Variants in PLEKHG4B observed in about 807,000 individuals in gnomAD.
The protein encoded by PLEKHG4B is pleckstrin homology domain-containing family G member 4B.
A neutral mutation model predicts 121.3 loss-of-function variants in PLEKHG4B; 111 were observed. The ratio of observed to expected loss-of-function variants is 0.92; its 90% CI spans 0.78 to 1.07. PLEKHG4B has a LOEUF of 1.07. PLEKHG4B is among the 50% of genes least tolerant of loss of function. The pLI is 0.00. For synonymous variants in PLEKHG4B, 738 were observed against 725.0 expected, an observed-to-expected ratio of 1.02 and a Z score of -0.29; for missense variants, 1,831 against 1,757.8, an observed-to-expected ratio of 1.04 and a Z score of -0.74.
intron 18 of PLEKHG4B, among the ~76,000 whole-genome samples, chr5:180,916 C>T (rs1736911723): frequency 2.0e-5 from 3 of 152,242 alleles, no homozygotes; most frequent in African/African-American, 7.2e-5. Context: ...CGCACTTCTT[C>T]CCGTTCTCCC....
chr5:155,320 TCTC>T (rs1735738934), intron 8 of PLEKHG4B, 22 bp from the exon 9 acceptor site: 2 of 1,583,572 alleles, frequency 1.3e-6, no homozygotes, highest in Non-Finnish European at 1.7e-6. Flanking sequence ...GTTCTTATAA[TCTC>T]CTCCCTCTCA....
chr5:156,799 T>C lies in PLEKHG4B; in HGVS notation c.2375T>C (p.Leu792Pro). Reference sequence around the variant, plus strand: ...GACACCCTGGAGGCCGCCACAAGCCTGTACGACCGAGTGGATGAGGAGGTG... The same window carrying C: ...GACACCCTGGAGGCCGCCACAAGCCCGTACGACCGAGTGGATGAGGAGGTG... Reference protein sequence around the residue: ...SRDTLEAATSLYDRVDEEVHR... With the variant: ...SRDTLEAATSPYDRVDEEVHR... The change falls in exon 11 of 20, where the codon CTG becomes CCG. Residue 792 changes from leucine to proline, a missense_variant. By Grantham distance (98) the Leu-to-Pro change is moderately conservative. Coordinates refer to ENST00000637938, the MANE Select transcript of PLEKHG4B (RefSeq NM_052909.5). This position sits in a 1 kb window ranked among gnomAD's most constrained non-coding sequence, Gnocchi z 4.4. The C allele has an allele frequency of 6.4e-7, 1 of 1,570,800 alleles. No homozygotes were observed. The highest frequency in any genetic ancestry group is 8.6e-7 in the Non-Finnish European group (1 of 1,158,074).
chr5:98,837 CTTTTTTTTT>C (rs925964165), intron 1 of PLEKHG4B, among the ~76,000 whole-genome samples: 7 of 79,238 alleles, frequency 8.8e-5, no homozygotes, highest in Admixed American at 1.4e-4. Context: ...TTGAATTTTC[CTTTTTTTTT>C]TTTTTTTTTT....
At chr5:130,850 G>A (rs1272645200) in intron 2 of PLEKHG4B, among the ~76,000 whole-genome samples, 2 of 152,296 alleles carry the variant, frequency 1.3e-5, no homozygotes, top group East Asian at 3.9e-4. Context: ...TATAGCATCT[G>A]GTCTAATTTG....
chr5:163,585 C>T, intron 13 of PLEKHG4B, 37 bp downstream of exon 13: 1 of 1,466,974 alleles, frequency 6.8e-7, no homozygotes, highest in Non-Finnish European at 9.0e-7. Context: ...TCCTAGCAGT[C>T]CTTGGGGATC....
chr5:134,183 A>G (rs1243529867), intron 2 of PLEKHG4B, among the ~76,000 whole-genome samples: 1 of 146,382 alleles, frequency 6.8e-6, no homozygotes, highest in Non-Finnish European at 1.5e-5. Flanking sequence ...AGCAACCTGG[A>G]TGGAAGTAGA....
intron 18 of PLEKHG4B, 144 bp from the exon 19 acceptor site, chr5:181,370 C>T: frequency 1.2e-6 from 1 of 805,166 alleles, no homozygotes; most frequent in Non-Finnish European, 1.9e-6. Flanking sequence ...GCACCCTGGC[C>T]CCCCATGCCC....
chr5:116,800 G>A (rs527547598), intron 2 of PLEKHG4B, among the ~76,000 whole-genome samples: 11 of 152,328 alleles, frequency 7.2e-5, no homozygotes, highest in Admixed American at 1.3e-4. Context: ...TGGTTAGAAT[G>A]ACAGGGCTAG....
chr5:107,335 C>G (rs1734006091), intron 1 of PLEKHG4B, among the ~76,000 whole-genome samples: 1 of 152,224 alleles, frequency 6.6e-6, no homozygotes, highest in South Asian at 2.1e-4. Flanking sequence ...CTCCTCTGCT[C>G]TGGGCCCCAT....
At chr5:152,102 G>A (rs965139610) in intron 7 of PLEKHG4B, among the ~76,000 whole-genome samples, 3 of 151,896 alleles carry the variant, frequency 2.0e-5, no homozygotes, top group East Asian at 1.9e-4. Context: ...ATCGCAATGC[G>A]AGCGGGCTTG....
intron 13 of PLEKHG4B, among the ~76,000 whole-genome samples, chr5:165,159 T>C (rs1259902275): frequency 1.2e-5 from 1 of 80,422 alleles, no homozygotes; most frequent in Admixed American, 1.2e-4. Flanking sequence ...CTCACACTAA[T>C]GCTCTGACGG....
intron 1 of PLEKHG4B, among the ~76,000 whole-genome samples, chr5:104,266 A>G (rs905391057): frequency 6.6e-6 from 1 of 150,728 alleles, no homozygotes; most frequent in Non-Finnish European, 1.5e-5. Context: ...AAACAACCTC[A>G]GCCCAGTCCC....
chr5:135,332 A>C (rs972646547), intron 2 of PLEKHG4B, among the ~76,000 whole-genome samples: 19 of 152,094 alleles, frequency 1.2e-4, no homozygotes, highest in African/African-American at 4.1e-4. Flanking sequence ...AGATGTAAAT[A>C]ATTGTAAACA....
intron 18 of PLEKHG4B, among the ~76,000 whole-genome samples, chr5:180,152 T>C (rs1203468825): frequency 1.3e-5 from 2 of 152,134 alleles, no homozygotes; most frequent in Admixed American, 6.5e-5. Flanking sequence ...GTAGGAAATG[T>C]GTAAGGATCA....
At position 143,158 on chromosome 5, in the gene PLEKHG4B, G is replaced by A; in HGVS notation, c.1589G>A (p.Gly530Glu). The stretch of plus-strand genomic sequence containing the variant: ...CGGCAGCCACACCCCGAGCAAGAAG[G>A]GTGGCCACCCGGCACAGGAGACTTC... Reference protein sequence around the residue: ...PARQPHPEQEGWPPGTGDFPS... With the variant: ...PARQPHPEQEEWPPGTGDFPS... Residue 530 changes from glycine to glutamate, a missense_variant, in exon 4 of 20, where the codon GGG (glycine) becomes GAG (glutamate). Transcript: ENST00000637938. 6.2e-7 allele frequency: 1 copy of A among 1,612,378 alleles called. No homozygotes were observed.
In PLEKHG4B at chr5:162,945, T is replaced by C; in HGVS notation, c.2873T>C (p.Leu958Pro). ...PQTRLRLEEA[L>P]SEAAPDPSLP... ...ACCCGGCTCCGTCTGGAAGAGGCCC[T>C]TTCTGAGGCTGCCCCAGACCCCAGC... Residue 958 changes from leucine (L) to proline (P), a missense_variant, in exon 13 of 20, where the codon CTT becomes CCT. Coordinates refer to ENST00000637938, the MANE Select transcript of PLEKHG4B (RefSeq NM_052909.5). The C allele has an allele frequency of 6.4e-7, 1 of 1,556,426 alleles. No homozygotes were observed. The highest frequency in any genetic ancestry group is 8.7e-7 in the Non-Finnish European group (1 of 1,151,460).
chr5:98,047 C>T lies in PLEKHG4B; in HGVS notation c.45+5771C>T, dbSNP rs147492189. On this transcript the variant is annotated intron_variant, in intron 1 of 19. Transcript: ENST00000637938. ...TCATTATATCTATATATCTTTTGAT[C>T]CATTATCTATTATTATTCAGTTTAT... is the stretch of plus-strand genomic sequence containing the variant. 1.1e-3 allele frequency among the ~76,000 whole-genome samples: 167 copies of T among 152,130 alleles called. 1 individual carries two copies. Among genetic ancestry groups the T allele is most frequent in the African/African-American group, 3.9e-3 (162 of 41,460 alleles).
chr5:95,239 G>A (rs948010831), intron 1 of PLEKHG4B, among the ~76,000 whole-genome samples: 4 of 152,158 alleles, frequency 2.6e-5, no homozygotes, highest in Admixed American at 1.3e-4. Context: ...CAGCCTGGAC[G>A]TGGGTTCTGC....
rs572091789 is a variant in PLEKHG4B at position 154,743 on chromosome 5, T to C, written c.1993-132T>C. The C allele has an allele frequency of 3.9e-5, 27 of 693,742 alleles. No individual in the cohort carries two copies. In the East Asian group the frequency reaches 5.4e-4, roughly 14 times the overall value. The allele number at this position is 693,742 out of a possible 1,614,324, so 43.0% of individuals were successfully genotyped here. A position where few individuals can be genotyped will look rare whatever the true frequency, so the allele number is the denominator to read the frequency against. On this transcript the variant is annotated intron_variant, in intron 7 of 19. Coordinates refer to ENST00000637938, the MANE Select transcript of PLEKHG4B (RefSeq NM_052909.5). ...CCCAGACCCGTGCTATTATCAGTGC[T>C]TCCAGCAAAGCAGGGGCGATACTCC...
Sources: allele counts gnomAD v4.1 joint callset (sites outside exome capture counted in the v4.1 genomes callset), GRCh38; gene constraint gnomAD v4.1.1; non-coding constraint Gnocchi (gnomAD v3.1); transcripts MANE v1.5; gene names NCBI Gene and HGNC (gene_info 2026-07-23, HGNC 2026-07-21).